The following NEK1 variants were observed in gnomAD, a reference collection of about 807,000 sequenced individuals.
The protein encoded by NEK1 is serine/threonine-protein kinase Nek1.
A neutral mutation model predicts 182.1 loss-of-function variants in NEK1; 137 were observed. The ratio of observed to expected loss-of-function variants is 0.75; its 90% confidence interval spans 0.65 to 0.87. NEK1 has a LOEUF of 0.87. Among genes scored for constraint, NEK1 ranks in the 40% least tolerant of loss-of-function variants. The pLI, the probability that NEK1 is intolerant of heterozygous loss-of-function variation, is 0.00. For missense variants in NEK1, 1,391 were observed against 1,494.4 expected (o/e 0.93, Z 1.14); for synonymous variants, 513 against 492.2 (o/e 1.04, Z -0.56).
chr4:169,571,143 C>A (rs1764748042), intron 12 of NEK1, among the ~76,000 whole-genome samples: 1 of 150,964 alleles, frequency 6.6e-6, no homozygotes, highest in South Asian at 2.1e-4. Context: ...CTGCCAAATC[C>A]CCCTCTGCGA....
chr4:169,456,180 C>T (rs774410979), intron 27 of NEK1, among the ~76,000 whole-genome samples: 2 of 151,954 alleles, frequency 1.3e-5, no homozygotes, highest in Admixed American at 6.6e-5. Flanking sequence ...ATAATGGAAA[C>T]ACAATATACC....
chr4:169,586,324 A>G (rs1424158729), intron 9 of NEK1, among the ~76,000 whole-genome samples: 1 of 152,118 alleles, frequency 6.6e-6, no homozygotes, highest in Non-Finnish European at 1.5e-5. Context: ...CAAAAGTTCT[A>G]CTAAATGTTG....
chr4:169,445,875 C>T (rs185713634), intron 27 of NEK1, among the ~76,000 whole-genome samples: 4,743 of 145,290 alleles, frequency 0.033, 329 homozygotes, highest in African/African-American at 0.13. Context: ...TACACACACA[C>T]ACACACACAC....
At chr4:169,499,522 T>C (rs545657941) in intron 23 of NEK1, among the ~76,000 whole-genome samples, 1 of 152,290 alleles carries the variant, frequency 6.6e-6, no homozygotes, top group Admixed American at 6.5e-5. Flanking sequence ...TTTTTCCCTA[T>C]CTTTGTGGTT....
Position 169,560,386 on chromosome 4 carries a change from T to A in NEK1, c.1266+1094A>T, listed in dbSNP as rs569098431. On this transcript the variant is annotated intron_variant, in intron 16 of 35. Transcript: ENST00000507142. ...TCTCTACTGTTTTGCCACATGAATG[T>A]TTACTATCTTCCAGGTGAGCAGAAT... 2.0e-4 allele frequency among the ~76,000 whole-genome samples: 30 copies of A among 152,334 alleles called. 1 individual carries two copies. The highest frequency in any genetic ancestry group is 1.8e-3 in the Admixed American group (27 of 15,306).
At chr4:169,451,889 A>C (rs1001522472) in intron 27 of NEK1, among the ~76,000 whole-genome samples, 2 of 152,218 alleles carry the variant, frequency 1.3e-5, no homozygotes, top group African/African-American at 4.8e-5. Flanking sequence ...ACCACTAGCA[A>C]GACTAATAAA....
At position 169,588,829 on chromosome 4, in the gene NEK1, G is replaced by C. The variant is rs147995373; in HGVS notation, c.465-94C>G. 1.1e-5 allele frequency: 8 copies of C among 757,764 alleles called. No homozygotes were observed. The East Asian group carries it at 2.2e-4, about 21-fold the overall frequency. The allele number at this position is 757,764 out of a possible 1,614,324, so 46.9% of individuals were successfully genotyped here. ...GTCTACAGCAGATCGCATATATGAT[G>C]CTGGTCCCATAAGATTATAATGACA... On this transcript the variant is annotated intron_variant, in intron 7 of 35. Transcript: ENST00000507142.
At chr4:169,426,786 G>A (rs887764139) in intron 29 of NEK1, among the ~76,000 whole-genome samples, 1 of 152,262 alleles carries the variant, frequency 6.6e-6, no homozygotes, top group East Asian at 1.9e-4. Flanking sequence ...AAGATATACT[G>A]TTAAGTAAAC....
At chr4:169,434,604 G>A (rs1307039619) in intron 28 of NEK1, among the ~76,000 whole-genome samples, 2 of 152,136 alleles carry the variant, frequency 1.3e-5, no homozygotes, top group African/African-American at 4.8e-5. Flanking sequence ...GAACAGCGAT[G>A]AGGAGAGTAT....
At position 169,424,689 on chromosome 4, in the gene NEK1, T is replaced by C. The variant is rs1736066449; in HGVS notation, c.3086A>G (p.Gln1029Arg). The change falls in exon 31 of 36, where the codon CAA (glutamine) becomes CGA (arginine). Residue 1029 changes from glutamine (Q) to arginine (R), a missense_variant. Physicochemically the swap from Gln to Arg is conservative, Grantham distance 43. Coordinates refer to ENST00000507142, the MANE Select transcript of NEK1 (RefSeq NM_001199397.3). ...TGGTGAACACTGAACTGATTGAACTTGAGGGACTAAGTTCAAGTGTTCAGA... is the reference window on the plus strand; with the variant it reads ...TGGTGAACACTGAACTGATTGAACTCGAGGGACTAAGTTCAAGTGTTCAGA... ...VHSEHLNLVP[Q>R]VQSVQCSPEE... 4 of 1,613,868 alleles carry C rather than the reference T, an allele frequency of 2.5e-6. No homozygotes were observed. The African/African-American group carries it at 5.3e-5, about 22-fold the overall frequency.
chr4:169,417,374 T>C (rs764489380), intron 31 of NEK1, among the ~76,000 whole-genome samples: 1 of 152,212 alleles, frequency 6.6e-6, no homozygotes, highest in Non-Finnish European at 1.5e-5. Context: ...GTCTTAAGCA[T>C]GGCTGTGATT....
At chr4:169,477,013 C>A (rs1747074400) in intron 26 of NEK1, 111 bp downstream of exon 26, 3 of 700,530 alleles carry the variant, frequency 4.3e-6, no homozygotes, top group Non-Finnish European at 6.7e-6. Context: ...ATATAGAATT[C>A]TTTCAGCTTC....
intron 24 of NEK1, among the ~76,000 whole-genome samples, chr4:169,477,764 C>T (rs1369231901): frequency 6.6e-6 from 1 of 151,886 alleles, no homozygotes; most frequent in East Asian, 1.9e-4. Context: ...ATATCCTCTT[C>T]CTCTTTGGTA....
chr4:169,408,636 C>G (rs536861973), intron 31 of NEK1, among the ~76,000 whole-genome samples: 9 of 152,126 alleles, frequency 5.9e-5, no homozygotes, highest in Non-Finnish European at 1.2e-4. Flanking sequence ...ACCCTTCCCC[C>G]CTTGAGTCGC....
At chr4:169,561,000 T>C (rs1430627690) in intron 16 of NEK1, among the ~76,000 whole-genome samples, 1 of 152,010 alleles carries the variant, frequency 6.6e-6, no homozygotes, top group Non-Finnish European at 1.5e-5. Context: ...ACAAAGAGAT[T>C]TGGCAAACCA....
intron 12 of NEK1, among the ~76,000 whole-genome samples, chr4:169,563,633 G>T (rs766502870): frequency 1.1e-4 from 17 of 152,196 alleles, no homozygotes; most frequent in Non-Finnish European, 2.5e-4. Context: ...ATTTAACGAT[G>T]GCAATGACAG....
intron 12 of NEK1, among the ~76,000 whole-genome samples, chr4:169,571,179 A>AAAATAAATAAATAAAT (rs56050357): frequency 7.0e-5 from 10 of 143,296 alleles, no homozygotes; most frequent in South Asian, 2.2e-4. Context: ...GATCAATAAA[A>AAAATAAATAAATAAAT]AAATAAATAA....
At chr4:169,428,736 A>G (rs549403773) in intron 29 of NEK1, among the ~76,000 whole-genome samples, 1 of 152,292 alleles carries the variant, frequency 6.6e-6, no homozygotes, top group South Asian at 2.1e-4. Context: ...TTATTCCAAT[A>G]AAAAAGTTAA....
chr4:169,504,908 T>C (rs1453274514), intron 23 of NEK1, among the ~76,000 whole-genome samples: 1 of 152,100 alleles, frequency 6.6e-6, no homozygotes, highest in Non-Finnish European at 1.5e-5. Context: ...AAAGGATAAA[T>C]GCATGAGGTG....
Sources: allele counts gnomAD v4.1 joint callset (sites outside exome capture counted in the v4.1 genomes callset), GRCh38; gene constraint gnomAD v4.1.1; transcripts MANE v1.5; gene names NCBI Gene and HGNC (gene_info 2026-07-23, HGNC 2026-07-21).